The following TIAM2 variants were observed in gnomAD, a reference collection of about 807,000 sequenced individuals.
TIAM2 encodes rho guanine nucleotide exchange factor TIAM2.
In TIAM2, 80 loss-of-function variants were observed where a neutral mutation model predicts 152.9. The observed-to-expected ratio is 0.52, with a 90% confidence interval of 0.44 to 0.63. TIAM2 has a LOEUF of 0.63. TIAM2 is among the 30% of genes least tolerant of loss of function. TIAM2 has a pLI of 0.00. For missense variants in TIAM2, 1,965 were observed against 2,120.1 expected, an observed-to-expected ratio of 0.93 and a Z score of 1.44; for synonymous variants, 804 against 838.0, an observed-to-expected ratio of 0.96 and a Z score of 0.70.
chr6:155,102,894 A>G (rs1778583158), intron 2 of TIAM2, among the ~76,000 whole-genome samples: 1 of 152,148 alleles, frequency 6.6e-6, no homozygotes, highest in African/African-American at 2.4e-5. Context: ...GTGAACACCC[A>G]TAAACCCACC....
At position 155,148,026 on chromosome 6, in the gene TIAM2, T is replaced by C. The variant is rs556537019; in HGVS notation, c.1804-84T>C. ...CAGTGCAAGTACTTCTTGGGTTTTG[T>C]ACATCTAAGCCCAGCCTGCCATTTT... On this transcript the variant is annotated intron_variant, in intron 6 of 26. Coordinates refer to ENST00000682666, the MANE Select transcript of TIAM2 (RefSeq NM_012454.4). 3.0e-5 allele frequency: 42 copies of C among 1,386,844 alleles called. No individual in the cohort carries two copies. In the African/African-American group the frequency reaches 5.1e-4, roughly 17 times the overall value. The allele number at this position is 1,386,844 out of a possible 1,614,324, so 85.9% of individuals were successfully genotyped here.
intron 15 of TIAM2, among the ~76,000 whole-genome samples, chr6:155,231,334 T>G (rs949696983): frequency 6.6e-6 from 1 of 152,268 alleles, no homozygotes; most frequent in South Asian, 2.1e-4. Context: ...CTGTCTAGTC[T>G]AGAAGACAAA....
chr6:155,072,843 G>A (rs1777869808), intron 1 of TIAM2, among the ~76,000 whole-genome samples: 1 of 152,162 alleles, frequency 6.6e-6, no homozygotes, highest in East Asian at 1.9e-4. Flanking sequence ...TTGTGGGGCA[G>A]GGAATCACCT....
chr6:155,060,596 T>C (rs955636803), intron 1 of TIAM2, among the ~76,000 whole-genome samples: 2 of 151,966 alleles, frequency 1.3e-5, no homozygotes, highest in African/African-American at 4.8e-5. Context: ...GCTTTGGTGA[T>C]TGAAAGCCCT....
intron 1 of TIAM2, among the ~76,000 whole-genome samples, chr6:155,081,585 A>C (rs1487197338): frequency 6.6e-6 from 1 of 152,176 alleles, no homozygotes; most frequent in Admixed American, 6.5e-5. Context: ...AACCATTCAC[A>C]CAGAGCCCAG....
At chr6:155,189,308 C>T (rs893848584) in intron 14 of TIAM2, among the ~76,000 whole-genome samples, 6 of 151,862 alleles carry the variant, frequency 4.0e-5, no homozygotes, top group Non-Finnish European at 7.4e-5. Flanking sequence ...CCCAGATTTC[C>T]AGATGTAAAA....
intron 4 of TIAM2, among the ~76,000 whole-genome samples, chr6:155,136,842 G>A (rs1036362166): frequency 6.6e-6 from 1 of 152,108 alleles, no homozygotes; most frequent in African/African-American, 2.4e-5. Context: ...TAGCAATGAA[G>A]AAAGAAATAT....
intron 1 of TIAM2, among the ~76,000 whole-genome samples, chr6:155,054,068 G>A (rs1777384061): frequency 6.6e-6 from 1 of 152,188 alleles, no homozygotes; most frequent in Admixed American, 6.5e-5. Context: ...AGCTGCTTGG[G>A]AGGCTGAGGC....
Position 155,242,362 on chromosome 6 carries a change from GGAT to G in TIAM2, c.3349-1648_3349-1646del, listed in dbSNP as rs1214766690. On this transcript the variant is annotated intron_variant, in intron 16 of 26. Transcript: ENST00000682666. ...ACAGAATCTTGTTGTTTTTTAACCT[GGAT>G]CCCCTGCATGCTCCTTGAAATTTTT... 3.3e-5 allele frequency among the ~76,000 whole-genome samples: 5 copies of G among 152,276 alleles called. No individual in the cohort carries two copies. The East Asian group carries it at 9.6e-4, about 29-fold the overall frequency.
At chr6:155,028,542 T>C (rs960172018) in intron 1 of TIAM2, among the ~76,000 whole-genome samples, 1 of 139,596 alleles carries the variant, frequency 7.2e-6, no homozygotes, top group African/African-American at 2.6e-5. Flanking sequence ...GTGTTACATA[T>C]ATACTACATA....
At chr6:155,057,017 CTTTTTTTTTTTTTTTTTT>C (rs71023612) in intron 1 of TIAM2, among the ~76,000 whole-genome samples, 7 of 43,868 alleles carry the variant, frequency 1.6e-4, no homozygotes, top group Middle Eastern at 0.029. Flanking sequence ...AGTTTTCTTT[CTTTTTTTTTTTTTTTTTT>C]TTTTTTTTTT....
rs1780961427 is a variant in TIAM2 at position 155,183,461 on chromosome 6, G to A, written c.3025G>A (p.Glu1009Lys). Residue 1009 changes from glutamate to lysine, a missense_variant, in exon 14 of 27, where the codon GAG becomes AAG. Transcript: ENST00000682666. ...CCCTCCTAACCAGTCCCAACTGCTG[G>A]AGGAATTCCTGGATAACTTTAAAAA... ...LPPPNQSQLL[E>K]EFLDNFKKNT... is the part of the protein sequence containing the mutation. 1.9e-6 allele frequency: 3 copies of A among 1,613,640 alleles called. No homozygotes were observed. The highest frequency in any genetic ancestry group is 1.3e-5 in the African/African-American group (1 of 74,906).
intron 2 of TIAM2, among the ~76,000 whole-genome samples, chr6:155,125,924 TAAAATA>T (rs1386216706): frequency 6.6e-6 from 1 of 152,022 alleles, no homozygotes. Flanking sequence ...TTTCTAAAAA[TAAAATA>T]AAAATAGAAT....
chr6:155,154,695 G>T (rs1299843958), intron 7 of TIAM2, among the ~76,000 whole-genome samples: 1 of 152,108 alleles, frequency 6.6e-6, no homozygotes, highest in Admixed American at 6.6e-5. Context: ...CATTATGTGC[G>T]ATTTCCAGGG....
At chr6:155,025,821 A>AACACACACACACACACAC (rs58173623) in intron 1 of TIAM2, among the ~76,000 whole-genome samples, 1 of 131,782 alleles carries the variant, frequency 7.6e-6, no homozygotes, top group Non-Finnish European at 1.6e-5. Context: ...CTCCCCCTCA[A>AACACACACACACACACAC]ACACACACAC....
chr6:155,143,892 C>G (rs1379990010), intron 5 of TIAM2, among the ~76,000 whole-genome samples: 1 of 152,130 alleles, frequency 6.6e-6, no homozygotes, highest in Non-Finnish European at 1.5e-5. Context: ...AAAAACAAGC[C>G]GAAAGCTGAG....
intron 14 of TIAM2, among the ~76,000 whole-genome samples, chr6:155,188,252 C>G (rs936598333): frequency 3.3e-5 from 5 of 152,190 alleles, no homozygotes; most frequent in Admixed American, 1.3e-4. Flanking sequence ...TTGGAAGACA[C>G]CATGTTCCAT....
chr6:155,213,750 AGTCCCC>A lies in TIAM2; in HGVS notation c.3168+2444_3168+2449del, dbSNP rs1323692986. Among the ~76,000 whole-genome samples the A allele has an allele frequency of 1.3e-5, 2 of 152,218 alleles. No homozygotes were observed. The highest frequency in any genetic ancestry group is 2.4e-5 in the African/African-American group (1 of 41,472). The stretch of plus-strand genomic sequence containing the variant: ...TGCAGGCCAGGGCCGAGCTGCCCTC[AGTCCCC>A]TCCTTGGCCTGCCTCCCATGCTCAT... On this transcript the variant is annotated intron_variant, in intron 15 of 26. Transcript: ENST00000682666. The surrounding 1 kb of genome is among the most constrained non-coding windows in gnomAD (Gnocchi z 4.2).
At chr6:155,137,107 T>A (rs371940591) in intron 4 of TIAM2, 70 bp from the exon 5 acceptor site, 3 of 1,511,092 alleles carry the variant, frequency 2.0e-6, no homozygotes, top group Non-Finnish European at 1.8e-6. Flanking sequence ...ATTACACTTA[T>A]GCTGTGTGCA....
Sources: gnomAD v4.1 joint callset for allele counts (sites outside exome capture counted in the v4.1 genomes callset) on GRCh38, gnomAD v4.1.1 for gene constraint, Gnocchi (gnomAD v3.1) non-coding constraint, MANE v1.5 for transcripts, NCBI Gene and HGNC (gene_info 2026-07-23, HGNC 2026-07-21) for gene names.